Variants in LIX1 observed in about 807,000 individuals in gnomAD.
LIX1 encodes the protein limb and CNS expressed 1, also known as protein limb expression 1 homolog.
Under a neutral mutation model 33.4 loss-of-function variants are expected in LIX1, and 24 were observed. The observed-to-expected ratio is 0.72, with a 90% CI of 0.52 to 1.01. The LOEUF (loss-of-function observed/expected upper bound fraction) is 1.01, where lower values mean the gene tolerates loss of function less well. Ranked by LOEUF, LIX1 falls within the 50% of genes least tolerant of loss-of-function variation. LIX1 has a pLI of 0.00. For missense variants in LIX1, 311 were observed against 339.2 expected, an observed-to-expected ratio of 0.92 and a Z score of 0.65; for synonymous variants, 124 against 124.0, an observed-to-expected ratio of 1.00 and a Z score of 0.00.
intron 2 of LIX1, among the ~76,000 whole-genome samples, chr5:97,115,842 C>T (rs1306296236): frequency 6.6e-6 from 1 of 151,816 alleles, no homozygotes; most frequent in African/African-American, 2.4e-5. Context: ...ATGCCATCTT[C>T]TCTGGGGTCA....
At chr5:97,141,283 G>C (rs531053787) in intron 1 of LIX1, among the ~76,000 whole-genome samples, 1 of 151,916 alleles carries the variant, frequency 6.6e-6, no homozygotes, top group Admixed American at 6.6e-5. Context: ...TCCCCTTTTC[G>C]CTTAAAAAAC....
intron 1 of LIX1, among the ~76,000 whole-genome samples, chr5:97,130,921 C>G (rs1245619878): frequency 2.0e-5 from 3 of 152,190 alleles, no homozygotes; most frequent in African/African-American, 7.2e-5. Context: ...GCTTCAATAG[C>G]AAGAAAATGT....
intron 4 of LIX1, among the ~76,000 whole-genome samples, chr5:97,098,507 A>G (rs1187412347): frequency 6.6e-6 from 1 of 152,208 alleles, no homozygotes; most frequent in Non-Finnish European, 1.5e-5. Context: ...TTATTGAAAA[A>G]TAACTCTATA....
chr5:97,137,699 T>G (rs540102684), intron 1 of LIX1, among the ~76,000 whole-genome samples: 36 of 152,202 alleles, frequency 2.4e-4, no homozygotes, highest in Non-Finnish European at 3.8e-4. Flanking sequence ...TAGCAAGCAC[T>G]ATAGGGTTTA....
At chr5:97,132,322 G>C (rs1748074618) in intron 1 of LIX1, among the ~76,000 whole-genome samples, 1 of 152,184 alleles carries the variant, frequency 6.6e-6, no homozygotes. Context: ...CAGAGATGAT[G>C]TTAAAGTGAC....
At chr5:97,102,585 A>G (rs941597707) in intron 4 of LIX1, among the ~76,000 whole-genome samples, 2 of 152,212 alleles carry the variant, frequency 1.3e-5, no homozygotes, top group Non-Finnish European at 2.9e-5. Context: ...GCATGTCCAC[A>G]GTAAGATTCA....
At chr5:97,103,280 A>G (rs1172121124) in intron 4 of LIX1, among the ~76,000 whole-genome samples, 8 of 152,216 alleles carry the variant, frequency 5.3e-5, no homozygotes, top group African/African-American at 1.7e-4. Flanking sequence ...TAGGTTAGAC[A>G]GAGTTGTCAA....
At chr5:97,110,445 A>AT (rs919710179) in intron 2 of LIX1, among the ~76,000 whole-genome samples, 5 of 151,982 alleles carry the variant, frequency 3.3e-5, no homozygotes, top group African/African-American at 1.2e-4. Context: ...ATTTTTTTTA[A>AT]TTTTTTTTGT....
At chr5:97,095,137 C>T in intron 5 of LIX1, 102 bp from the exon 6 acceptor site, 1 of 1,060,802 alleles carries the variant, frequency 9.4e-7, no homozygotes, top group South Asian at 1.6e-5. Context: ...GTTTTATCAA[C>T]AACCCCATCT....
chr5:97,103,747 C>A (rs546050994), intron 4 of LIX1, among the ~76,000 whole-genome samples: 93 of 152,196 alleles, frequency 6.1e-4, no homozygotes, highest in Middle Eastern at 3.4e-3. Flanking sequence ...GGGCAGATCA[C>A]GAGGTCAGGA....
chr5:97,132,273 T>G (rs766289943), intron 1 of LIX1, among the ~76,000 whole-genome samples: 28 of 152,204 alleles, frequency 1.8e-4, no homozygotes, highest in Non-Finnish European at 3.5e-4. Context: ...ATTCATCATA[T>G]AATTAGTGAA....
chr5:97,138,219 C>G (rs1748210637), intron 1 of LIX1, among the ~76,000 whole-genome samples: 1 of 152,198 alleles, frequency 6.6e-6, no homozygotes, highest in Non-Finnish European at 1.5e-5. Context: ...TCTTACATGT[C>G]ACTTCATAAG....
At chr5:97,103,047 AT>A in intron 4 of LIX1, 1 of 453,998 alleles carries the variant, frequency 2.2e-6, no homozygotes, top group African/African-American at 2.0e-5. Context: ...GAGTCTCAGA[AT>A]GGACAAGCTC....
At chr5:97,105,350 A>G (rs886489478) in intron 3 of LIX1, 65 bp from the exon 4 acceptor site, 11 of 1,366,610 alleles carry the variant, frequency 8.0e-6, no homozygotes, top group Non-Finnish European at 1.1e-5. Flanking sequence ...AATGGTCACA[A>G]ATTAATTCTG....
chr5:97,116,891 G>C (rs1747650280), intron 2 of LIX1, among the ~76,000 whole-genome samples: 2 of 152,004 alleles, frequency 1.3e-5, no homozygotes, highest in Admixed American at 1.3e-4. Flanking sequence ...TGAACTAGGG[G>C]CTGGGAGACT....
At chr5:97,118,268 C>T (rs796732128) in intron 2 of LIX1, among the ~76,000 whole-genome samples, 4 of 152,290 alleles carry the variant, frequency 2.6e-5, no homozygotes, top group African/African-American at 9.6e-5. Context: ...GAATGAAATG[C>T]ATTAATTCAA....
chr5:97,124,490 C>T lies in LIX1; in HGVS notation c.222G>A (p.Gly74=), dbSNP rs757948621. Residue 74 remains glycine (G), a synonymous_variant, in exon 2 of 6, where the codon GGG becomes GGA. Transcript: ENST00000274382. The stretch of plus-strand genomic sequence containing the variant: ...CCTGAAAGTTGCCAAAACAGCTTCC[C>T]CCTGGGAGGGTCACGTAACTCACAA... The part of the protein sequence containing the change: ...PPFVSYVTLP[G]GSCFGNFQCC... 1 of 1,607,954 alleles carries T rather than the reference C, an allele frequency of 6.2e-7. No homozygotes were observed. Among genetic ancestry groups the T allele is most frequent in the African/African-American group, 1.3e-5 (1 of 74,762 alleles).
chr5:97,107,341 C>T lies in LIX1; in HGVS notation c.387+19G>A, dbSNP rs1747102879. 1 of 1,609,762 alleles carries T rather than the reference C, an allele frequency of 6.2e-7. No individual in the cohort carries two copies. Reference sequence around the variant, plus strand: ...ATTCTCAGTGCAGCCATCTCCTGCCCTCCATGGTGGGTACTCACGCTGGTG... The same window carrying T: ...ATTCTCAGTGCAGCCATCTCCTGCCTTCCATGGTGGGTACTCACGCTGGTG... On this transcript the variant is annotated intron_variant, in intron 3 of 5. Coordinates refer to ENST00000274382, the MANE Select transcript of LIX1 (RefSeq NM_153234.5).
chr5:97,141,949 C>T (rs1302686518), intron 1 of LIX1, among the ~76,000 whole-genome samples: 2 of 152,090 alleles, frequency 1.3e-5, no homozygotes, highest in Non-Finnish European at 2.9e-5. Flanking sequence ...GGGAGTGTTG[C>T]TGAGGTTAGG....
Sources: gnomAD v4.1 joint callset for allele counts (sites outside exome capture counted in the v4.1 genomes callset) on GRCh38, gnomAD v4.1.1 for gene constraint, MANE v1.5 for transcripts, NCBI Gene and HGNC (gene_info 2026-07-23, HGNC 2026-07-21) for gene names.